GLIS2: variants seen among roughly 807,000 people sequenced by gnomAD.
GLIS2 encodes GLIS family zinc finger 2.
A neutral mutation model predicts 35.6 loss-of-function variants in GLIS2; 14 were observed. The ratio of observed to expected loss-of-function variants is 0.39; its 90% CI spans 0.26 to 0.61. The LOEUF is 0.61. Among genes scored for constraint, GLIS2 ranks in the 20% least tolerant of loss-of-function variants. The pLI is 0.48. For missense variants in GLIS2, 675 were observed against 713.4 expected (o/e 0.95, Z 0.61); for synonymous variants, 368 against 325.1 (o/e 1.13, Z -1.42).
At position 4,338,556 on chromosome 16, in the gene GLIS2, G is replaced by A. The variant is rs1269557699; in HGVS notation, c.*1032G>A. ...CCAAGTGACAGCATGCAGGGGAGGG[G>A]GCTCCCAGTCAGTGCTGTGTTGGGA... is the stretch of plus-strand genomic sequence containing the variant. On this transcript the variant is annotated 3_prime_UTR_variant, in exon 7 of 7. Coordinates refer to ENST00000433375, the MANE Select transcript of GLIS2 (RefSeq NM_032575.3). 1.3e-5 allele frequency: 2 copies of A among 152,668 alleles called. No homozygotes were observed. The highest frequency in any genetic ancestry group is 2.4e-5 in the African/African-American group (1 of 41,466). 9.5% of individuals were successfully genotyped at this position (152,668 alleles called of 1,614,324 possible).
At position 4,335,438 on chromosome 16, in the gene GLIS2, C is replaced by T. The variant is rs899112447; in HGVS notation, c.775+45C>T. 1 of 1,558,886 alleles carries T rather than the reference C, an allele frequency of 6.4e-7. No homozygotes were observed. Among genetic ancestry groups the T allele is most frequent in the Non-Finnish European group, 8.8e-7 (1 of 1,131,616 alleles). On this transcript the variant is annotated intron_variant, in intron 6 of 6. Transcript: ENST00000433375. The surrounding 1 kb of genome is among the most constrained non-coding windows in gnomAD (Gnocchi z 4.6). ...CGGCTTGGCCCATGAAGGGGGCGCT[C>T]AGCTGAGACCGGCTGGGCAGGTCCC...
intron 1 of GLIS2, among the ~76,000 whole-genome samples, chr16:4,329,414 C>T (rs549709721): frequency 1.3e-5 from 2 of 152,358 alleles, no homozygotes; most frequent in East Asian, 1.9e-4. Flanking sequence ...AATCGCAGAC[C>T]TAGGTCCCAC....
chr16:4,334,897 T>A lies in GLIS2; in HGVS notation c.442T>A (p.Ser148Thr), dbSNP rs2053534086. 6.2e-7 allele frequency: 1 copy of A among 1,612,978 alleles called. No individual in the cohort carries two copies. The highest frequency in any genetic ancestry group is 1.3e-5 in the African/African-American group (1 of 74,882). ...SGGALHLPAS[S>T]FLTPPKDKCL... ...GGGGGCCCTGCACCTGCCTGCCTCC[T>A]CCTTCCTTACCCCTCCCAAGGACAA... The change falls in exon 4 of 7, where the codon TCC becomes ACC. Residue 148 changes from serine (S) to threonine (T), a missense_variant. Transcript: ENST00000433375.
intron 1 of GLIS2, among the ~76,000 whole-genome samples, chr16:4,324,050 G>A (rs1355256558): frequency 6.6e-6 from 1 of 152,162 alleles, no homozygotes; most frequent in African/African-American, 2.4e-5. Context: ...CCATCTTCAG[G>A]TGCTTTCCCG....
intron 1 of GLIS2, among the ~76,000 whole-genome samples, chr16:4,318,560 C>T (rs965933394): frequency 6.6e-6 from 1 of 152,192 alleles, no homozygotes; most frequent in African/African-American, 2.4e-5. Flanking sequence ...CTTCCCCCGC[C>T]TGAACTCCCC....
chr16:4,328,053 C>G (rs1230689917), intron 1 of GLIS2, among the ~76,000 whole-genome samples: 1 of 152,234 alleles, frequency 6.6e-6, no homozygotes, highest in Non-Finnish European at 1.5e-5. Flanking sequence ...GAAGGCTCCA[C>G]CAGGAGGCGC....
Position 4,335,447 on chromosome 16 carries a change from C to A in GLIS2, c.775+54C>A. 6.6e-7 allele frequency: 1 copy of A among 1,524,556 alleles called. No homozygotes were observed. Among genetic ancestry groups the A allele is most frequent in the Non-Finnish European group, 9.1e-7 (1 of 1,100,654 alleles). The allele number at this position is 1,524,556 out of a possible 1,614,324, so 94.4% of individuals were successfully genotyped here. A position where few individuals can be genotyped will look rare whatever the true frequency, so the allele number is the denominator to read the frequency against. On this transcript the variant is annotated intron_variant, in intron 6 of 6. Transcript: ENST00000433375. The surrounding 1 kb of genome is among the most constrained non-coding windows in gnomAD (Gnocchi z 4.6). ...CCATGAAGGGGGCGCTCAGCTGAGA[C>A]CGGCTGGGCAGGTCCCCAGGGGGAG...
At chr16:4,329,270 G>C (rs1458784799) in intron 1 of GLIS2, 1 of 152,212 alleles carries the variant, frequency 6.6e-6, no homozygotes, top group East Asian at 1.9e-4. Flanking sequence ...AGGGGACCCT[G>C]GTCCATCCAT....
In GLIS2 at chr16:4,332,505, C is replaced by G; in HGVS notation, c.172+53C>G. 1.3e-6 allele frequency: 2 copies of G among 1,589,368 alleles called. No individual in the cohort carries two copies. Among genetic ancestry groups the G allele is most frequent in the South Asian group, 2.2e-5 (2 of 89,550 alleles). On this transcript the variant is annotated intron_variant, in intron 2 of 6. Transcript: ENST00000433375. The surrounding 1 kb of genome is among the most constrained non-coding windows in gnomAD (Gnocchi z 5.4). Reference sequence around the variant, plus strand: ...CTTAGCCCTGATCCAGTCATGGTGACAGGGAGAATGGCCAAGTGTGTCCAC... The same window carrying G: ...CTTAGCCCTGATCCAGTCATGGTGAGAGGGAGAATGGCCAAGTGTGTCCAC...
At chr16:4,329,581 C>G (rs746411650) in intron 1 of GLIS2, among the ~76,000 whole-genome samples, 1 of 152,092 alleles carries the variant, frequency 6.6e-6, no homozygotes, top group Non-Finnish European at 1.5e-5. Context: ...CATTTTATGC[C>G]CTACTTGCTT....
chr16:4,322,862 C>T (rs1467113718), intron 1 of GLIS2, among the ~76,000 whole-genome samples: 4 of 152,210 alleles, frequency 2.6e-5, no homozygotes, highest in Admixed American at 6.5e-5. Flanking sequence ...GGGCCTGCCC[C>T]GACCCCCCAG....
At chr16:4,315,669 G>C (rs1039016168), upstream of GLIS2, among the ~76,000 whole-genome samples, 3 of 151,156 alleles carry the variant, frequency 2.0e-5, no homozygotes, top group Admixed American at 2.0e-4. Context: ...GGGGCCGCGG[G>C]GGGGGGGTGG....
chr16:4,323,560 G>A, intron 1 of GLIS2, among the ~76,000 whole-genome samples: 1 of 152,340 alleles, frequency 6.6e-6, no homozygotes, highest in East Asian at 1.9e-4. Context: ...GGCCATCTGT[G>A]TGAGTGTGCG....
At chr16:4,327,759 TCCCCGCGGCCGC>T (rs1408092233) in intron 1 of GLIS2, among the ~76,000 whole-genome samples, 1 of 90,404 alleles carries the variant, frequency 1.1e-5, no homozygotes, top group Non-Finnish European at 2.1e-5. Context: ...GTCCCGGTGG[TCCCCGCGGCCGC>T]CCCCGCGCGC....
In GLIS2 at chr16:4,335,510, G is replaced by A. The variant is rs2053541412; in HGVS notation, c.775+117G>A. 2 of 920,048 alleles carry A rather than the reference G, an allele frequency of 2.2e-6. No individual in the cohort carries two copies. Among genetic ancestry groups the A allele is most frequent in the Non-Finnish European group, 1.7e-6 (1 of 581,162 alleles). The allele number at this position is 920,048 out of a possible 1,614,324, so 57.0% of individuals were successfully genotyped here. A position where few individuals can be genotyped will look rare whatever the true frequency, so the allele number is the denominator to read the frequency against. On this transcript the variant is annotated intron_variant, in intron 6 of 6. Coordinates refer to ENST00000433375, the MANE Select transcript of GLIS2 (RefSeq NM_032575.3). The surrounding 1 kb of genome is among the most constrained non-coding windows in gnomAD (Gnocchi z 4.6). Reference sequence around the variant, plus strand: ...TAAATCCCGGGCCTCAGAGATAAGGGTTGATGTCATCGCCCAGGGGTCCCT... The same window carrying A: ...TAAATCCCGGGCCTCAGAGATAAGGATTGATGTCATCGCCCAGGGGTCCCT...
chr16:4,323,622 G>GAGA (rs1410272255), intron 1 of GLIS2, among the ~76,000 whole-genome samples: 1 of 152,172 alleles, frequency 6.6e-6, no homozygotes, highest in Non-Finnish European at 1.5e-5. Context: ...GCTGGCGTTG[G>GAGA]AGAAGGAAGT....
At position 4,332,178 on chromosome 16, in the gene GLIS2, G is replaced by A; in HGVS notation, c.-66-37G>A. ...AGTACAGCCCGAGGAGAAGCCTGGGGTCTCAGTGCCACAGCACAGCTCCTG... is the reference window on the plus strand; with the variant it reads ...AGTACAGCCCGAGGAGAAGCCTGGGATCTCAGTGCCACAGCACAGCTCCTG... On this transcript the variant is annotated intron_variant, in intron 1 of 6. Coordinates refer to ENST00000433375, the MANE Select transcript of GLIS2 (RefSeq NM_032575.3). This position sits in a 1 kb window ranked among gnomAD's most constrained non-coding sequence, Gnocchi z 5.4. 1 of 1,388,054 alleles carries A rather than the reference G, an allele frequency of 7.2e-7. No individual in the cohort carries two copies. The highest frequency in any genetic ancestry group is 9.9e-7 in the Non-Finnish European group (1 of 1,007,068). 86.0% of individuals were successfully genotyped at this position (1,388,054 alleles called of 1,614,324 possible). A position where few individuals can be genotyped will look rare whatever the true frequency, so the allele number is the denominator to read the frequency against.
At position 4,320,117 on chromosome 16, in the gene GLIS2, G is replaced by A. The variant is rs115133107; in HGVS notation, c.-67+3863G>A. 1.9e-3 allele frequency among the ~76,000 whole-genome samples: 291 copies of A among 152,238 alleles called. 3 individuals are homozygous for A. Among genetic ancestry groups the A allele is most frequent in the African/African-American group, 6.7e-3 (279 of 41,540 alleles). On this transcript the variant is annotated intron_variant, in intron 1 of 6. Coordinates refer to ENST00000433375, the MANE Select transcript of GLIS2 (RefSeq NM_032575.3). This position sits in a 1 kb window ranked among gnomAD's most constrained non-coding sequence, Gnocchi z 5.6. The stretch of plus-strand genomic sequence containing the variant: ...CTTGAGAGGCCAGGTAGTGCCCACC[G>A]CAGGGAGGGGCCGGCCTGTGAGTGT...
intron 3 of GLIS2, 90 bp downstream of exon 3, chr16:4,333,609 A>G: frequency 2.9e-6 from 4 of 1,365,872 alleles, no homozygotes; most frequent in Non-Finnish European, 4.0e-6. Flanking sequence ...TGGTTTAAAA[A>G]ACAGATGTGT....
Sources: allele counts gnomAD v4.1 joint callset (sites outside exome capture counted in the v4.1 genomes callset), GRCh38; gene constraint gnomAD v4.1.1; non-coding constraint Gnocchi (gnomAD v3.1); transcripts MANE v1.5; gene names NCBI Gene and HGNC (gene_info 2026-07-23, HGNC 2026-07-21).